Variants in SLC24A4 observed in about 807,000 individuals in gnomAD.
SLC24A4 encodes sodium/potassium/calcium exchanger 4.
In SLC24A4, 53 loss-of-function variants were observed where a neutral mutation model predicts 79.0. The ratio of observed to expected loss-of-function variants is 0.67; its 90% CI spans 0.54 to 0.84. The LOEUF (loss-of-function observed/expected upper bound fraction) is 0.84. SLC24A4 is among the 40% of genes least tolerant of loss of function. The pLI, the probability that SLC24A4 is intolerant of heterozygous loss-of-function variation, is 0.00. For synonymous variants in SLC24A4, 323 were observed against 323.8 expected, an observed-to-expected ratio of 1.00 and a Z score of 0.03; for missense variants, 731 against 822.0, an observed-to-expected ratio of 0.89 and a Z score of 1.35.
intron 12 of SLC24A4, among the ~76,000 whole-genome samples, chr14:92,473,895 G>C (rs1402741286): frequency 1.3e-5 from 2 of 152,182 alleles, no homozygotes; most frequent in Non-Finnish European, 2.9e-5. Flanking sequence ...AATGTGCCTG[G>C]GAGAAATGAT....
intron 2 of SLC24A4, among the ~76,000 whole-genome samples, chr14:92,359,973 C>T (rs1317899990): frequency 2.6e-5 from 4 of 152,228 alleles, no homozygotes; most frequent in Non-Finnish European, 5.9e-5. Flanking sequence ...GGCTGGAGTG[C>T]AGTGGTGCGA....
chr14:92,329,056 G>A (rs1444784341), intron 2 of SLC24A4, among the ~76,000 whole-genome samples: 2 of 152,226 alleles, frequency 1.3e-5, no homozygotes, highest in African/African-American at 4.8e-5. Context: ...CTGCACAGTT[G>A]GTGGGGTTTC....
intron 2 of SLC24A4, among the ~76,000 whole-genome samples, chr14:92,377,446 C>A (rs191803176): frequency 9.9e-5 from 15 of 152,272 alleles, no homozygotes; most frequent in African/African-American, 3.1e-4. Flanking sequence ...TTTGCCCAAA[C>A]TAAGGAGATG....
intron 2 of SLC24A4, among the ~76,000 whole-genome samples, chr14:92,384,938 G>A (rs904649714): frequency 6.6e-6 from 1 of 152,204 alleles, no homozygotes; most frequent in Non-Finnish European, 1.5e-5. Context: ...TTTCAGATGA[G>A]TGACTTAACC....
At chr14:92,423,359 G>A (rs1891391567) in intron 2 of SLC24A4, among the ~76,000 whole-genome samples, 1 of 152,148 alleles carries the variant, frequency 6.6e-6, no homozygotes, top group African/African-American at 2.4e-5. Context: ...TGGCCAGGCT[G>A]GTCTCAAACT....
chr14:92,458,416 CT>C (rs1173161124), intron 12 of SLC24A4, among the ~76,000 whole-genome samples: 4 of 152,212 alleles, frequency 2.6e-5, no homozygotes, highest in Non-Finnish European at 5.9e-5. Context: ...ACCTGCCCAC[CT>C]GCTCTGTGGG....
intron 10 of SLC24A4, among the ~76,000 whole-genome samples, chr14:92,449,852 G>A (rs562722373): frequency 1.4e-4 from 21 of 152,354 alleles, no homozygotes; most frequent in African/African-American, 4.8e-4. Context: ...TCCGGGAACT[G>A]GGGGTCTGGG....
At chr14:92,477,539 A>G (rs369381513) in intron 12 of SLC24A4, among the ~76,000 whole-genome samples, 6 of 152,280 alleles carry the variant, frequency 3.9e-5, no homozygotes, top group Admixed American at 2.0e-4. Context: ...AGCTCACTGC[A>G]GCCTCTAACT....
intron 2 of SLC24A4, among the ~76,000 whole-genome samples, chr14:92,330,202 C>T (rs147220300): frequency 7.2e-5 from 11 of 152,280 alleles, no homozygotes; most frequent in Non-Finnish European, 1.5e-4. Context: ...AGGTGGCTCT[C>T]TGGGCTAGAG....
intron 13 of SLC24A4, chr14:92,483,603 C>A: frequency 1.9e-6 from 1 of 524,810 alleles, no homozygotes; most frequent in Non-Finnish European, 3.2e-6. Context: ...TATGGCCATA[C>A]AGGACAAGTC....
chr14:92,397,203 A>G (rs971159146), intron 2 of SLC24A4, among the ~76,000 whole-genome samples: 2 of 152,180 alleles, frequency 1.3e-5, no homozygotes. Context: ...ATCACGGTGG[A>G]TAATCCGAAA....
At chr14:92,360,654 C>T (rs1254336330) in intron 2 of SLC24A4, among the ~76,000 whole-genome samples, 1 of 152,216 alleles carries the variant, frequency 6.6e-6, no homozygotes, top group Non-Finnish European at 1.5e-5. Flanking sequence ...GATCATACTG[C>T]CAATCAGTTT....
chr14:92,438,612 TG>T (rs1892312410), intron 3 of SLC24A4, among the ~76,000 whole-genome samples: 1 of 152,058 alleles, frequency 6.6e-6, no homozygotes, highest in South Asian at 2.1e-4. Flanking sequence ...AGTGAGACCC[TG>T]TCTCAAACAA....
chr14:92,390,007 G>C (rs1889376545), intron 2 of SLC24A4, among the ~76,000 whole-genome samples: 2 of 152,078 alleles, frequency 1.3e-5, no homozygotes, highest in Non-Finnish European at 2.9e-5. Flanking sequence ...CCCTCTGCAG[G>C]ACAGCAGTGT....
At chr14:92,465,649 G>A (rs1894062884) in intron 12 of SLC24A4, among the ~76,000 whole-genome samples, 1 of 152,150 alleles carries the variant, frequency 6.6e-6, no homozygotes, top group South Asian at 2.1e-4. Context: ...GAGGGCAGCT[G>A]CTTCAGCGAG....
In SLC24A4 at chr14:92,454,551, G is replaced by A. The variant is rs975082054; in HGVS notation, c.1050+482G>A. 3.3e-5 allele frequency among the ~76,000 whole-genome samples: 5 copies of A among 152,140 alleles called. No homozygotes were observed. In the East Asian group the frequency reaches 7.7e-4, roughly 23 times the overall value. On this transcript the variant is annotated intron_variant, in intron 11 of 16. Transcript: ENST00000532405. ...GATAATGATTTTAATATTATTTAAT[G>A]TATAAACAGTATAGCAAAGATAGGT...
intron 12 of SLC24A4, among the ~76,000 whole-genome samples, chr14:92,470,106 T>G (rs537886013): frequency 3.1e-4 from 47 of 152,352 alleles, no homozygotes; most frequent in African/African-American, 1.1e-3. Context: ...TCTAGAGTGG[T>G]GGTCCTCAAA....
chr14:92,433,465 C>G (rs912040438), intron 2 of SLC24A4, among the ~76,000 whole-genome samples: 1 of 152,098 alleles, frequency 6.6e-6, no homozygotes, highest in South Asian at 2.1e-4. Flanking sequence ...TCTATACTTG[C>G]GAGTGGAATT....
intron 2 of SLC24A4, among the ~76,000 whole-genome samples, chr14:92,387,287 C>T (rs1889218263): frequency 6.6e-6 from 1 of 152,070 alleles, no homozygotes; most frequent in African/African-American, 2.4e-5. Context: ...AGCGATTCTC[C>T]TGCCTCAGCC....
Sources: allele counts gnomAD v4.1 joint callset (sites outside exome capture counted in the v4.1 genomes callset), GRCh38; gene constraint gnomAD v4.1.1; transcripts MANE v1.5; gene names NCBI Gene and HGNC (gene_info 2026-07-23, HGNC 2026-07-21).